EP400: variants seen among roughly 807,000 people sequenced by gnomAD.
The protein encoded by EP400 is E1A-binding protein p400.
A neutral mutation model predicts 354.1 loss-of-function variants in EP400; 105 were observed. The ratio of observed to expected loss-of-function variants is 0.30; its 90% CI spans 0.25 to 0.35. EP400 has a LOEUF of 0.35. Among genes scored for constraint, EP400 ranks in the 10% least tolerant of loss-of-function variants. The probability of loss-of-function intolerance (pLI) is 1.00; values close to 1 mark genes in which losing one functional copy is unlikely to be tolerated. For missense variants in EP400, 3,280 were observed against 4,121.0 expected (o/e 0.80, Z 5.59); for synonymous variants, 1,646 against 1,716.9 (o/e 0.96, Z 1.02).
chr12:131,963,997 A>C (rs1477284977), intron 2 of EP400, among the ~76,000 whole-genome samples: 1 of 152,208 alleles, frequency 6.6e-6, no homozygotes, highest in African/African-American at 2.4e-5. Flanking sequence ...GCAAAACAGA[A>C]TAAGAAAAAA....
intron 12 of EP400, among the ~76,000 whole-genome samples, chr12:131,996,464 TG>T (rs1164148721): frequency 6.6e-6 from 1 of 151,984 alleles, no homozygotes; most frequent in African/African-American, 2.4e-5. Flanking sequence ...GCTAATTTTT[TG>T]TATTTTTAGT....
intron 12 of EP400, 106 bp from the exon 13 acceptor site, chr12:132,004,971 G>A (rs1431170993): frequency 2.6e-6 from 2 of 781,130 alleles, no homozygotes; most frequent in African/African-American, 1.7e-5. Context: ...GTGAGAGGGA[G>A]CCCCTTGCCC....
Position 132,037,774 on chromosome 12 carries a change from C to G in EP400, c.6044C>G (p.Ser2015Cys), listed in dbSNP as rs375857236. Residue 2015 changes from serine to cysteine, a missense_variant, in exon 31 of 53, where the codon TCC becomes TGC. Ser to Cys is a moderately radical substitution (Grantham distance 112). Transcript: ENST00000389561. ...REVAAQGNDY[S>C]MAFLTQRTIQ... ...GTGGCTGCTCAGGGAAATGACTACT[C>G]CATGGCTTTCTTAACTCAGGTACTC... 6.2e-7 allele frequency: 1 copy of G among 1,614,072 alleles called. No individual in the cohort carries two copies. Among genetic ancestry groups the G allele is most frequent in the Non-Finnish European group, 8.5e-7 (1 of 1,180,032 alleles).
At position 132,013,365 on chromosome 12, in the gene EP400, A is replaced by G; in HGVS notation, c.3612-125A>G. 7.1e-7 allele frequency: 1 copy of G among 1,401,244 alleles called. No homozygotes were observed. The highest frequency in any genetic ancestry group is 9.6e-7 in the Non-Finnish European group (1 of 1,040,582). The allele number at this position is 1,401,244 out of a possible 1,614,324, so 86.8% of individuals were successfully genotyped here. Reference sequence around the variant, plus strand: ...GTCAGTGCAGCCCCCCTTTTCAGGCATGTGCACGTTGACATTTGCGGTGTC... The same window carrying G: ...GTCAGTGCAGCCCCCCTTTTCAGGCGTGTGCACGTTGACATTTGCGGTGTC... On this transcript the variant is annotated intron_variant, in intron 17 of 52. Coordinates refer to ENST00000389561, the MANE Select transcript of EP400 (RefSeq NM_015409.5). The surrounding 1 kb of genome is among the most constrained non-coding windows in gnomAD (Gnocchi z 4.5).
intron 34 of EP400, among the ~76,000 whole-genome samples, 180 bp from the exon 35 acceptor site, chr12:132,043,997 G>C (rs914927712): frequency 1.3e-5 from 2 of 152,226 alleles, no homozygotes; most frequent in African/African-American, 4.8e-5. Context: ...GGCTTGTTCT[G>C]CCCTCGATGT....
At chr12:131,959,951 G>A (rs1164144670) in intron 1 of EP400, among the ~76,000 whole-genome samples, 1 of 152,204 alleles carries the variant, frequency 6.6e-6, no homozygotes, top group Non-Finnish European at 1.5e-5. Context: ...AGAGTTTGCA[G>A]TTGAGGTAGT....
intron 30 of EP400, among the ~76,000 whole-genome samples, chr12:132,032,878 C>T (rs978269823): frequency 7.9e-5 from 12 of 152,144 alleles, no homozygotes; most frequent in East Asian, 1.9e-4. Context: ...ATCCGCCCGC[C>T]GTGGCCTCCC....
chr12:132,031,871 C>A, intron 29 of EP400, 82 bp from the exon 30 acceptor site: 2 of 1,436,710 alleles, frequency 1.4e-6, no homozygotes, highest in Non-Finnish European at 1.9e-6. Flanking sequence ...GGGATTATTT[C>A]TAATTAATAA....
chr12:132,029,798 C>A lies in EP400; in HGVS notation c.5479C>A (p.Gln1827Lys). The part of the protein sequence containing the change: ...LYSHRMRILR[Q>K]GLREHAAPYF... ...CAGCCACAGAATGAGGATCTTGAGG[C>A]AGGGCCTGAGAGAGCACGCTGCGCC... The change falls in exon 28 of 53, where the codon CAG (glutamine) becomes AAG (lysine). Residue 1827 changes from glutamine to lysine, a missense_variant. Physicochemically the swap from Gln to Lys is moderately conservative, Grantham distance 53. Transcript: ENST00000389561. The surrounding 1 kb of genome is among the most constrained non-coding windows in gnomAD (Gnocchi z 4.7). 1 of 1,613,684 alleles carries A rather than the reference C, an allele frequency of 6.2e-7. No individual in the cohort carries two copies. The highest frequency in any genetic ancestry group is 8.5e-7 in the Non-Finnish European group (1 of 1,180,034).
chr12:132,008,919 C>CT (rs774921042), intron 15 of EP400, among the ~76,000 whole-genome samples: 1,408 of 114,722 alleles, frequency 0.012, 24 homozygotes, highest in African/African-American at 0.019. Context: ...CGTGCCCAGC[C>CT]TTTTTTTTTT....
chr12:131,968,457 C>G (rs531787930), intron 2 of EP400, among the ~76,000 whole-genome samples: 2 of 152,348 alleles, frequency 1.3e-5, no homozygotes, highest in African/African-American at 4.8e-5. Flanking sequence ...CAGTGTCACA[C>G]TATTGTGATT....
At chr12:131,965,367 C>G (rs1490429892) in intron 2 of EP400, among the ~76,000 whole-genome samples, 1 of 152,120 alleles carries the variant, frequency 6.6e-6, no homozygotes, top group East Asian at 1.9e-4. Flanking sequence ...GTGAGTCTTG[C>G]CTGAATCAGT....
In EP400 at chr12:132,013,068, G is replaced by T; in HGVS notation, c.3501G>T (p.Arg1167=). 6.2e-7 allele frequency: 1 copy of T among 1,614,052 alleles called. No individual in the cohort carries two copies. Among genetic ancestry groups the T allele is most frequent in the South Asian group, 1.1e-5 (1 of 91,054 alleles). Residue 1167 remains arginine (R), a synonymous_variant, in exon 17 of 53, where the codon CGG becomes CGT. Transcript: ENST00000389561. The surrounding 1 kb of genome is among the most constrained non-coding windows in gnomAD (Gnocchi z 4.5). ...TCACGTCCTACACTCAGTTCTTCCG[G>T]GGCCTCACCGCCTTCACACGAGTGC... ...VCITSYTQFF[R]GLTAFTRVRW... is the part of the protein sequence containing the mutation.
chr12:132,045,190 G>T, intron 37 of EP400, 129 bp from the exon 38 acceptor site: 1 of 1,445,914 alleles, frequency 6.9e-7, no homozygotes, highest in Non-Finnish European at 9.3e-7. Flanking sequence ...GTCTGTCTTT[G>T]GCAGGTGCTT....
At position 132,025,089 on chromosome 12, in the gene EP400, A is replaced by T. The variant is rs1001434307; in HGVS notation, c.4856-557A>T. ...TTAAAACAAAACAAAACAAAACAAAACATTTTTTGGCCCACAGAGGCTGGG... is the reference window on the plus strand; with the variant it reads ...TTAAAACAAAACAAAACAAAACAAATCATTTTTTGGCCCACAGAGGCTGGG... On this transcript the variant is annotated intron_variant, in intron 24 of 52. Transcript: ENST00000389561. The surrounding 1 kb of genome is among the most constrained non-coding windows in gnomAD (Gnocchi z 4.1). 2.6e-5 allele frequency among the ~76,000 whole-genome samples: 4 copies of T among 151,698 alleles called. No homozygotes were observed. The highest frequency in any genetic ancestry group is 2.6e-4 in the Admixed American group (4 of 15,256).
chr12:132,044,935 C>T lies in EP400; in HGVS notation c.6766C>T (p.His2256Tyr). The change falls in exon 37 of 53, where the codon CAC becomes TAC. Residue 2256 changes from histidine (H) to tyrosine (Y), a missense_variant. By Grantham distance (83) the His-to-Tyr change is moderately conservative. Coordinates refer to ENST00000389561, the MANE Select transcript of EP400 (RefSeq NM_015409.5). Reference protein sequence around the residue: ...PVYVRKERKRHKTDPSAAGRK... With the variant: ...PVYVRKERKRYKTDPSAAGRK... ...GTACGTGAGGAAGGAGCGGAAGCGA[C>T]ACAAAACAGACCCCTCAGGTGCGCA... 1.2e-6 allele frequency: 2 copies of T among 1,614,134 alleles called. No homozygotes were observed. Among genetic ancestry groups the T allele is most frequent in the Non-Finnish European group, 8.5e-7 (1 of 1,180,028 alleles).
At chr12:132,014,407 C>G (rs936917616) in intron 19 of EP400, among the ~76,000 whole-genome samples, 1 of 152,202 alleles carries the variant, frequency 6.6e-6, no homozygotes, top group South Asian at 2.1e-4. Flanking sequence ...CGCTGTGCCT[C>G]TGTCTGGCAG....
Position 132,011,543 on chromosome 12 carries a change from T to C in EP400, c.3350T>C (p.Leu1117Pro). 2 of 1,614,204 alleles carry C rather than the reference T, an allele frequency of 1.2e-6. No individual in the cohort carries two copies. The highest frequency in any genetic ancestry group is 2.2e-5 in the South Asian group (2 of 91,074). The change falls in exon 16 of 53, where the codon CTC becomes CCC. Residue 1117 changes from leucine (L) to proline (P), a missense_variant. Physicochemically the swap from Leu to Pro is moderately conservative, Grantham distance 98 (BLOSUM62 -3). Transcript: ENST00000389561. ...GTTGTTGTGAGAAGTTGTAACATAC[T>C]CAAGTGGGAGCTTGAATTGAAACGT... ...HLVVVRSCNI[L>P]KWELELKRWC...
chr12:132,027,579 C>T lies in EP400; in HGVS notation c.5109+48C>T. 6.8e-7 allele frequency: 1 copy of T among 1,476,214 alleles called. No individual in the cohort carries two copies. The allele number at this position is 1,476,214 out of a possible 1,614,324, so 91.4% of individuals were successfully genotyped here. ...CCGGTGCACGTGGACAGGTAGCTTT[C>T]CAAGAGCTGCTCGTTGTGTTTGGTT... On this transcript the variant is annotated intron_variant, in intron 26 of 52. Coordinates refer to ENST00000389561, the MANE Select transcript of EP400 (RefSeq NM_015409.5). This position sits in a 1 kb window ranked among gnomAD's most constrained non-coding sequence, Gnocchi z 4.9.
Sources: gnomAD v4.1 joint callset for allele counts (sites outside exome capture counted in the v4.1 genomes callset) on GRCh38, gnomAD v4.1.1 for gene constraint, Gnocchi (gnomAD v3.1) non-coding constraint, MANE v1.5 for transcripts, NCBI Gene and HGNC (gene_info 2026-07-23, HGNC 2026-07-21) for gene names.